Variants in RIPOR2 observed in about 807,000 individuals in gnomAD.
RIPOR2 encodes the protein RHO family interacting cell polarization regulator 2.
Under a neutral mutation model 114.5 loss-of-function variants are expected in RIPOR2, and 39 were observed. That is an observed-to-expected ratio of 0.34 (90% CI 0.26 to 0.44). The LOEUF is 0.44. Ranked by LOEUF, RIPOR2 falls within the 20% of genes least tolerant of loss-of-function variation. The pLI is 1.00. For synonymous variants in RIPOR2, 445 were observed against 484.4 expected (o/e 0.92, Z 1.07); for missense variants, 1,007 against 1,255.1 (o/e 0.80, Z 2.99).
intron 19 of RIPOR2, among the ~76,000 whole-genome samples, chr6:24,823,023 A>C (rs1759834817): frequency 6.6e-6 from 1 of 152,254 alleles, no homozygotes; most frequent in Admixed American, 6.5e-5. Flanking sequence ...AGAAGCAACC[A>C]CATCTGAATG....
At chr6:25,003,194 A>C (rs1389439298) in intron 1 of RIPOR2, among the ~76,000 whole-genome samples, 2 of 152,170 alleles carry the variant, frequency 1.3e-5, no homozygotes, top group Non-Finnish European at 1.5e-5. Context: ...TTTCTAAGTA[A>C]CCTTTCTCAG....
intron 13 of RIPOR2, chr6:24,840,032 C>T: frequency 1.2e-6 from 1 of 853,958 alleles, no homozygotes; most frequent in Non-Finnish European, 1.4e-6. Context: ...TCACTGCAGC[C>T]TCAATCTCCC....
At chr6:24,886,878 T>TC (rs1374665514) in intron 1 of RIPOR2, among the ~76,000 whole-genome samples, 1 of 152,228 alleles carries the variant, frequency 6.6e-6, no homozygotes, top group African/African-American at 2.4e-5. Context: ...AGTTTTAGCA[T>TC]CCATTGATGT....
intron 1 of RIPOR2, among the ~76,000 whole-genome samples, chr6:24,914,319 AAACAAC>A (rs150955608): frequency 5.9e-5 from 9 of 151,896 alleles, no homozygotes; most frequent in African/African-American, 1.2e-4. Flanking sequence ...CCTGGGTGTC[AAACAAC>A]AACAACAACA....
chr6:24,909,163 CT>C (rs1180697395), intron 1 of RIPOR2, among the ~76,000 whole-genome samples: 1 of 152,140 alleles, frequency 6.6e-6, no homozygotes, highest in Non-Finnish European at 1.5e-5. Context: ...ACTATTGCAA[CT>C]GAAGGGGAAG....
intron 1 of RIPOR2, among the ~76,000 whole-genome samples, chr6:24,882,129 A>G (rs1159177883): frequency 1.3e-5 from 2 of 152,216 alleles, no homozygotes; most frequent in African/African-American, 4.8e-5. Context: ...CACCAGTAGA[A>G]GTAGTAAAAG....
intron 20 of RIPOR2, among the ~76,000 whole-genome samples, chr6:24,817,597 A>G (rs1299961439): frequency 1.2e-4 from 5 of 41,284 alleles, no homozygotes; most frequent in African/African-American, 2.2e-4. Flanking sequence ...CCCTAGTGAG[A>G]TGAACCCGGT....
intron 1 of RIPOR2, chr6:24,929,541 C>A (rs1419078205): frequency 6.6e-6 from 1 of 152,142 alleles, no homozygotes; most frequent in African/African-American, 2.4e-5. Context: ...TTTCTAGGAC[C>A]ATTTACTAGT....
At position 24,843,173 on chromosome 6, in the gene RIPOR2, C is replaced by T. The variant is rs755813771; in HGVS notation, c.1546G>A (p.Val516Ile). Residue 516 changes from valine (V) to isoleucine (I), a missense_variant, in exon 13 of 22, where the codon GTT becomes ATT. Transcript: ENST00000643898. ...GACTCTTGCAGAAGTGCTTCTGCAA[C>T]ATCATTCTCAAGGAACAGGTGCTCA... ...GAEHLFLENDVAEALLQESEE... is the reference protein window; with the variant it reads ...GAEHLFLENDIAEALLQESEE... The T allele has an allele frequency of 5.0e-6, 8 of 1,613,962 alleles. No individual in the cohort carries two copies. In the South Asian group the frequency reaches 8.8e-5, roughly 18 times the overall value.
intron 1 of RIPOR2, among the ~76,000 whole-genome samples, chr6:24,970,925 C>T (rs573512293): frequency 5.9e-5 from 9 of 152,178 alleles, no homozygotes; most frequent in African/African-American, 2.2e-4. Flanking sequence ...CTCCAGTTTC[C>T]CCATCTGAAA....
intron 1 of RIPOR2, among the ~76,000 whole-genome samples, chr6:24,925,362 A>G (rs536832955): frequency 1.3e-5 from 2 of 152,338 alleles, no homozygotes; most frequent in Admixed American, 1.3e-4. Flanking sequence ...TGCATAGGGC[A>G]GATGATGCTT....
chr6:24,969,109 G>C (rs1468749431), intron 1 of RIPOR2, among the ~76,000 whole-genome samples: 1 of 152,186 alleles, frequency 6.6e-6, no homozygotes, highest in Non-Finnish European at 1.5e-5. Context: ...GCTTGCATCA[G>C]AATCACCTCG....
At chr6:25,000,034 C>T (rs1488023894) in intron 1 of RIPOR2, among the ~76,000 whole-genome samples, 1 of 152,218 alleles carries the variant, frequency 6.6e-6, no homozygotes, top group African/African-American at 2.4e-5. Flanking sequence ...CAATTCCTTG[C>T]CACCCTTCAT....
Position 24,865,394 on chromosome 6 carries a change from G to A in RIPOR2, c.558C>T (p.Ser186=). ...CIQRRLQDGA[S]KMKQAFATSP... is the part of the protein sequence containing the mutation. ...ATGTTGCGAAGGCTTGCTTCATTTTGCTGGCACCATCCTGGAGGCGTCGCT... is the reference window on the plus strand; with the variant it reads ...ATGTTGCGAAGGCTTGCTTCATTTTACTGGCACCATCCTGGAGGCGTCGCT... The change falls in exon 7 of 22, where the codon AGC becomes AGT. Residue 186 remains serine (S), a synonymous_variant. Coordinates refer to ENST00000643898, the MANE Select transcript of RIPOR2 (RefSeq NM_001286445.3). 4.3e-6 allele frequency: 7 copies of A among 1,613,286 alleles called. No individual in the cohort carries two copies. Among genetic ancestry groups the A allele is most frequent in the Non-Finnish European group, 5.9e-6 (7 of 1,179,486 alleles).
intron 1 of RIPOR2, among the ~76,000 whole-genome samples, chr6:25,002,931 A>G (rs1775384249): frequency 1.3e-5 from 2 of 152,244 alleles, no homozygotes; most frequent in African/African-American, 4.8e-5. Flanking sequence ...GCAATTTGCA[A>G]AAGATCCAAG....
chr6:24,986,395 G>T (rs988720545), intron 1 of RIPOR2, among the ~76,000 whole-genome samples: 3 of 152,180 alleles, frequency 2.0e-5, no homozygotes, highest in Non-Finnish European at 4.4e-5. Flanking sequence ...ATTAGGATTA[G>T]ACATTGTTGT....
At chr6:24,831,501 G>A (rs1040053882) in intron 16 of RIPOR2, among the ~76,000 whole-genome samples, 8 of 152,100 alleles carry the variant, frequency 5.3e-5, no homozygotes, top group African/African-American at 1.9e-4. Context: ...TCATGAGGAG[G>A]GGGCTGGGAG....
chr6:24,951,576 C>T (rs1421062398), intron 1 of RIPOR2, among the ~76,000 whole-genome samples: 4 of 152,178 alleles, frequency 2.6e-5, no homozygotes, highest in South Asian at 4.1e-4. Flanking sequence ...GTTCCTTTGC[C>T]TCACGCTTCT....
At chr6:24,945,726 G>A (rs574392153) in intron 1 of RIPOR2, among the ~76,000 whole-genome samples, 114 of 152,050 alleles carry the variant, frequency 7.5e-4, no homozygotes, top group African/African-American at 1.9e-3. Context: ...TCCCCAAGGC[G>A]ATCACTAAGA....
Sources: allele counts gnomAD v4.1 joint callset (sites outside exome capture counted in the v4.1 genomes callset), GRCh38; gene constraint gnomAD v4.1.1; transcripts MANE v1.5; gene names NCBI Gene and HGNC (gene_info 2026-07-23, HGNC 2026-07-21).